Variants in KCNN3 observed in about 807,000 individuals in gnomAD.
The protein encoded by KCNN3 is potassium calcium-activated channel subfamily N member 3.
A neutral mutation model predicts 62.9 loss-of-function variants in KCNN3; 16 were observed. That is an observed-to-expected ratio of 0.25 (90% CI 0.17 to 0.39). The LOEUF (loss-of-function observed/expected upper bound fraction) is 0.39, where lower values mean the gene tolerates loss of function less well. Among genes scored for constraint, KCNN3 ranks in the 10% least tolerant of loss-of-function variants. KCNN3 has a pLI of 1.00. For synonymous variants in KCNN3, 370 were observed against 389.2 expected (o/e 0.95, Z 0.58); for missense variants, 599 against 949.4 (o/e 0.63, Z 4.85).
chr1:154,782,468 G>A (rs1256990365), intron 2 of KCNN3, among the ~76,000 whole-genome samples: 1 of 152,210 alleles, frequency 6.6e-6, no homozygotes, highest in Non-Finnish European at 1.5e-5. Context: ...GGCAGAGAAA[G>A]GGAGAGGGAT....
intron 4 of KCNN3, 81 bp from the exon 5 acceptor site, chr1:154,726,107 G>T (rs1700456391): frequency 4.9e-6 from 5 of 1,029,300 alleles, no homozygotes; most frequent in African/African-American, 1.6e-5. Flanking sequence ...ACGCCTGGCG[G>T]CCACGGGGGT....
chr1:154,708,079 A>G lies in KCNN3; in HGVS notation c.2093T>C (p.Val698Ala). ...GTGGGTGGTGCCCACTGCCACGCTG[A>G]CACCCCGGGCCTCGATGATGGCAGA... is the stretch of plus-strand genomic sequence containing the variant. ...LLSAIIEARG[V>A]SVAVGTTHTP... Residue 698 changes from valine (V) to alanine (A), a missense_variant, in exon 8 of 8, where the codon GTC becomes GCC. Coordinates refer to ENST00000271915, the MANE Select transcript of KCNN3 (RefSeq NM_002249.6). 6.2e-7 allele frequency: 1 copy of G among 1,613,706 alleles called. No homozygotes were observed. Among genetic ancestry groups the G allele is most frequent in the Non-Finnish European group, 8.5e-7 (1 of 1,179,770 alleles).
At chr1:154,859,798 G>C in intron 1 of KCNN3, 1 of 1,613,588 alleles carries the variant, frequency 6.2e-7, no homozygotes, top group Non-Finnish European at 8.5e-7. Flanking sequence ...AGGAGTAGGT[G>C]CCAGCTCAGT....
intron 1 of KCNN3, among the ~76,000 whole-genome samples, chr1:154,850,297 T>G (rs1652251324): frequency 6.6e-6 from 1 of 152,162 alleles, no homozygotes; most frequent in Non-Finnish European, 1.5e-5. Flanking sequence ...ATCACTGAAG[T>G]CCTGCAACCA....
At chr1:154,868,959 CCTCT>C (rs1653068647) in intron 1 of KCNN3, 69 bp downstream of exon 1, 2 of 1,110,006 alleles carry the variant, frequency 1.8e-6, no homozygotes, top group Non-Finnish European at 2.7e-6. Context: ...TCACAATCCC[CCTCT>C]CTCAATCCCT....
intron 3 of KCNN3, among the ~76,000 whole-genome samples, chr1:154,756,211 G>T: frequency 7.0e-6 from 1 of 142,600 alleles, no homozygotes; most frequent in Admixed American, 7.2e-5. Flanking sequence ...GGAGGGGTTG[G>T]GGAGGTAGAG....
chr1:154,782,930 C>T (rs1434235786), intron 2 of KCNN3, among the ~76,000 whole-genome samples: 2 of 152,178 alleles, frequency 1.3e-5, no homozygotes, highest in Non-Finnish European at 2.9e-5. Context: ...AAAGAAAACT[C>T]GGCTGGGCGC....
chr1:154,745,488 C>T lies in KCNN3; in HGVS notation c.1449-12344G>A, dbSNP rs566113548. Among the ~76,000 whole-genome samples, 9 of 152,364 alleles carry T rather than the reference C, an allele frequency of 5.9e-5. No individual in the cohort carries two copies. In the East Asian group the frequency reaches 1.7e-3, roughly 29 times the overall value. ...GGTGGGACAGCTGGCTGGTGTCACACAGCTGGATGCAACCTCTGCAGGCCT... is the reference window on the plus strand; with the variant it reads ...GGTGGGACAGCTGGCTGGTGTCACATAGCTGGATGCAACCTCTGCAGGCCT... On this transcript the variant is annotated intron_variant, in intron 3 of 7. Transcript: ENST00000271915.
intron 3 of KCNN3, among the ~76,000 whole-genome samples, chr1:154,762,311 A>G (rs181207698): frequency 1.1e-4 from 17 of 152,314 alleles, no homozygotes; most frequent in Middle Eastern, 3.4e-3. Flanking sequence ...CAACAATAAG[A>G]AGATTCTCCA....
intron 1 of KCNN3, among the ~76,000 whole-genome samples, chr1:154,837,403 A>G (rs902134793): frequency 5.9e-5 from 9 of 151,936 alleles, no homozygotes; most frequent in Non-Finnish European, 1.2e-4. Flanking sequence ...TCGGCCTCCC[A>G]ATGTGCTGGG....
intron 2 of KCNN3, among the ~76,000 whole-genome samples, chr1:154,779,673 G>A (rs1263122176): frequency 1.3e-5 from 2 of 152,230 alleles, no homozygotes; most frequent in Non-Finnish European, 2.9e-5. Context: ...GGGCAGGGGG[G>A]CCGCTGGAGA....
chr1:154,822,396 A>T (rs1254517373), intron 1 of KCNN3, among the ~76,000 whole-genome samples: 1 of 151,910 alleles, frequency 6.6e-6, no homozygotes, highest in Non-Finnish European at 1.5e-5. Context: ...GCCCCCTTTG[A>T]GCCTCTGTTT....
chr1:154,727,019 C>T (rs1478522064), intron 4 of KCNN3, among the ~76,000 whole-genome samples: 1 of 152,210 alleles, frequency 6.6e-6, no homozygotes, highest in Non-Finnish European at 1.5e-5. Flanking sequence ...AAATCCTCTT[C>T]GCTAGGCTTC....
chr1:154,782,690 C>T (rs1181527957), intron 2 of KCNN3, among the ~76,000 whole-genome samples: 3 of 152,190 alleles, frequency 2.0e-5, no homozygotes, highest in Non-Finnish European at 4.4e-5. Context: ...GACTGTGGGC[C>T]GAGCCAGGTG....
chr1:154,754,884 C>A (rs2101818002), intron 3 of KCNN3, among the ~76,000 whole-genome samples: 1 of 152,244 alleles, frequency 6.6e-6, no homozygotes, highest in East Asian at 1.9e-4. Flanking sequence ...AAGACACAAA[C>A]AGAGAAGCAG....
intron 5 of KCNN3, among the ~76,000 whole-genome samples, chr1:154,721,651 G>A (rs1700351882): frequency 6.6e-6 from 1 of 152,092 alleles, no homozygotes; most frequent in African/African-American, 2.4e-5. Flanking sequence ...TCAGCCACCA[G>A]AGGTTAGGGA....
At chr1:154,710,200 G>T (rs568121455) in intron 7 of KCNN3, among the ~76,000 whole-genome samples, 1 of 152,294 alleles carries the variant, frequency 6.6e-6, no homozygotes, top group Non-Finnish European at 1.5e-5. Flanking sequence ...TCTTAATTTA[G>T]AGAGGACCAA....
intron 1 of KCNN3, among the ~76,000 whole-genome samples, chr1:154,833,488 C>T (rs1421822413): frequency 6.6e-6 from 1 of 152,172 alleles, no homozygotes; most frequent in Non-Finnish European, 1.5e-5. Context: ...CACGGCCTTG[C>T]CAACAAACGT....
At chr1:154,859,240 C>A (rs1652657711) in intron 1 of KCNN3, among the ~76,000 whole-genome samples, 1 of 152,248 alleles carries the variant, frequency 6.6e-6, no homozygotes, top group Admixed American at 6.5e-5. Flanking sequence ...AATAGCTAAA[C>A]TCCAATTCGT....
Sources: gnomAD v4.1 joint callset for allele counts (sites outside exome capture counted in the v4.1 genomes callset) on GRCh38, gnomAD v4.1.1 for gene constraint, MANE v1.5 for transcripts, NCBI Gene and HGNC (gene_info 2026-07-23, HGNC 2026-07-21) for gene names.